PKHD1: variants seen among roughly 807,000 people sequenced by gnomAD.
PKHD1 encodes the protein fibrocystin.
A neutral mutation model predicts 412.0 loss-of-function variants in PKHD1; 291 were observed. The ratio of observed to expected loss-of-function variants is 0.71; its 90% CI spans 0.64 to 0.78. The LOEUF (loss-of-function observed/expected upper bound fraction) is 0.78. PKHD1 is among the 30% of genes least tolerant of loss of function. The pLI is 0.00. For synonymous variants in PKHD1, 1,777 were observed against 1,821.5 expected (o/e 0.98, Z 0.62); for missense variants, 4,825 against 4,950.7 (o/e 0.97, Z 0.76).
At chr6:51,768,910 T>G (rs1340433384) in intron 55 of PKHD1, among the ~76,000 whole-genome samples, 1 of 151,666 alleles carries the variant, frequency 6.6e-6, no homozygotes, top group African/African-American at 2.4e-5. Context: ...TTACTGTTTA[T>G]TCCAAGAATG....
At chr6:51,928,472 A>G (rs1181937745) in intron 37 of PKHD1, among the ~76,000 whole-genome samples, 1 of 152,024 alleles carries the variant, frequency 6.6e-6, no homozygotes, top group Non-Finnish European at 1.5e-5. Context: ...TACACACCAC[A>G]TCAGCTCAAG....
chr6:51,935,268 C>T (rs758932986), intron 36 of PKHD1, among the ~76,000 whole-genome samples: 5 of 152,020 alleles, frequency 3.3e-5, no homozygotes, highest in African/African-American at 7.2e-5. Context: ...CAAGAATATT[C>T]GTTTATAATA....
At chr6:51,935,323 GAT>G (rs1787300761) in intron 36 of PKHD1, among the ~76,000 whole-genome samples, 1 of 152,010 alleles carries the variant, frequency 6.6e-6, no homozygotes, top group African/African-American at 2.4e-5. Context: ...AAATTAAAAA[GAT>G]ATTTTCATTT....
intron 52 of PKHD1, among the ~76,000 whole-genome samples, chr6:51,807,621 T>C (rs1260919127): frequency 4.6e-5 from 7 of 151,176 alleles, no homozygotes; most frequent in African/African-American, 1.7e-4. Flanking sequence ...TAATGAGAAT[T>C]AATACGTAAG....
intron 31 of PKHD1, among the ~76,000 whole-genome samples, chr6:52,027,541 A>AC (rs1351812139): frequency 6.6e-6 from 1 of 150,858 alleles, no homozygotes; most frequent in East Asian, 1.9e-4. Context: ...TCAAAAAAAA[A>AC]AAAAAAAAGA....
intron 66 of PKHD1, among the ~76,000 whole-genome samples, chr6:51,624,291 A>G (rs537900060): frequency 1.3e-5 from 2 of 152,328 alleles, no homozygotes; most frequent in African/African-American, 4.8e-5. Flanking sequence ...GACAACTACT[A>G]TATTTTATCC....
chr6:51,621,299 C>A (rs999017535), intron 66 of PKHD1, among the ~76,000 whole-genome samples: 1 of 152,128 alleles, frequency 6.6e-6, no homozygotes, highest in Non-Finnish European at 1.5e-5. Flanking sequence ...AATTACTGCT[C>A]CCACCAGGTG....
At chr6:51,794,948 G>A (rs1266625496) in intron 52 of PKHD1, among the ~76,000 whole-genome samples, 2 of 152,170 alleles carry the variant, frequency 1.3e-5, no homozygotes, top group Admixed American at 6.5e-5. Context: ...GCGGTATAAA[G>A]TTGGGTCACA....
intron 52 of PKHD1, among the ~76,000 whole-genome samples, chr6:51,793,100 T>C (rs955681941): frequency 3.3e-5 from 5 of 152,162 alleles, no homozygotes; most frequent in Admixed American, 6.5e-5. Context: ...TTTAATCCCC[T>C]ACATACCTTA....
intron 36 of PKHD1, among the ~76,000 whole-genome samples, chr6:51,959,078 A>G (rs574213502): frequency 6.1e-4 from 93 of 152,246 alleles, no homozygotes; most frequent in African/African-American, 2.2e-3. Context: ...TCATGTAGCT[A>G]TATTCTTATC....
chr6:51,890,508 G>C (rs549504892), intron 43 of PKHD1, among the ~76,000 whole-genome samples: 1 of 151,488 alleles, frequency 6.6e-6, no homozygotes, highest in South Asian at 2.1e-4. Context: ...AACTGTCCAA[G>C]TAAGCCAGCT....
chr6:51,792,407 CTCT>C (rs1793897673), intron 52 of PKHD1, among the ~76,000 whole-genome samples: 3 of 152,188 alleles, frequency 2.0e-5, no homozygotes, highest in Admixed American at 6.5e-5. Context: ...AATGCACTTG[CTCT>C]TCTTAAGGAC....
chr6:51,921,332 A>C (rs538332820), intron 37 of PKHD1, among the ~76,000 whole-genome samples: 8 of 152,144 alleles, frequency 5.3e-5, no homozygotes, highest in Non-Finnish European at 2.9e-5. Flanking sequence ...GTGGGTAACC[A>C]GACCTTTCTC....
chr6:52,050,149 C>G lies in PKHD1; in HGVS notation c.2279+8G>C. On this transcript the variant is annotated splice_region_variant and intron_variant, in intron 22 of 66. Transcript: ENST00000371117. ...AGAAGGGACAGGTGTAAAAAAGCCACTCCTTACCGTGCAGTGATGAGCGGG... is the reference window on the plus strand; with the variant it reads ...AGAAGGGACAGGTGTAAAAAAGCCAGTCCTTACCGTGCAGTGATGAGCGGG... The G allele has an allele frequency of 1.2e-6, 2 of 1,613,854 alleles. No homozygotes were observed. Among genetic ancestry groups the G allele is most frequent in the Non-Finnish European group, 1.7e-6 (2 of 1,179,914 alleles).
At chr6:51,677,765 T>A (rs1776075501) in intron 60 of PKHD1, among the ~76,000 whole-genome samples, 1 of 152,136 alleles carries the variant, frequency 6.6e-6, no homozygotes, top group Non-Finnish European at 1.5e-5. Context: ...GATCAAGAGA[T>A]GAAAGTTAAG....
At chr6:51,736,908 C>T (rs1391727988) in intron 60 of PKHD1, among the ~76,000 whole-genome samples, 2 of 152,190 alleles carry the variant, frequency 1.3e-5, no homozygotes, top group African/African-American at 4.8e-5. Flanking sequence ...GCAAGCCACT[C>T]TCTGTTAAGT....
At chr6:51,641,440 T>C (rs1446399559) in intron 63 of PKHD1, among the ~76,000 whole-genome samples, 1 of 152,178 alleles carries the variant, frequency 6.6e-6, no homozygotes, top group Non-Finnish European at 1.5e-5. Context: ...TTTACACTGT[T>C]GGTGGGAGTG....
intron 52 of PKHD1, among the ~76,000 whole-genome samples, chr6:51,792,896 A>G (rs1043834765): frequency 6.6e-6 from 1 of 152,208 alleles, no homozygotes; most frequent in Non-Finnish European, 1.5e-5. Context: ...GAGACACATT[A>G]TTCAAATTAT....
intron 60 of PKHD1, among the ~76,000 whole-genome samples, chr6:51,742,910 G>A (rs1259973014): frequency 3.3e-5 from 5 of 152,068 alleles, no homozygotes; most frequent in Admixed American, 6.6e-5. Flanking sequence ...TTTGAACAGC[G>A]GGAACTAGCT....
Sources: gnomAD v4.1 joint callset for allele counts (sites outside exome capture counted in the v4.1 genomes callset) on GRCh38, gnomAD v4.1.1 for gene constraint, MANE v1.5 for transcripts, NCBI Gene and HGNC (gene_info 2026-07-23, HGNC 2026-07-21) for gene names.